The following DAB1 variants were observed in gnomAD, a reference collection of about 807,000 sequenced individuals.
DAB1 encodes the protein disabled homolog 1.
A neutral mutation model predicts 64.6 loss-of-function variants in DAB1; 15 were observed. The observed-to-expected ratio is 0.23, with a 90% confidence interval of 0.16 to 0.36. The LOEUF is 0.36. Ranked by LOEUF, DAB1 falls within the 10% of genes least tolerant of loss-of-function variation. DAB1 has a pLI of 1.00. For synonymous variants in DAB1, 235 were observed against 251.9 expected (o/e 0.93, Z 0.64); for missense variants, 596 against 706.7 (o/e 0.84, Z 1.78).
chr1:57,101,122 C>T (rs116483688), intron 4 of DAB1, among the ~76,000 whole-genome samples: 51 of 152,198 alleles, frequency 3.4e-4, no homozygotes, highest in African/African-American at 1.2e-3. Context: ...ATCCTTCTTA[C>T]CCCTGGCATG....
chr1:57,876,767 G>A (rs188933424), intron 1 of DAB1: 1 of 152,210 alleles, frequency 6.6e-6, no homozygotes, highest in Non-Finnish European at 1.5e-5. Context: ...GGCCTCGATT[G>A]CTTAGAAGCC....
At chr1:57,733,478 G>T (rs1647533218) in intron 6 of DAB1, among the ~76,000 whole-genome samples, 1 of 151,952 alleles carries the variant, frequency 6.6e-6, no homozygotes. Flanking sequence ...CACTTAATAT[G>T]TAAGAAGACT....
intron 4 of DAB1, among the ~76,000 whole-genome samples, chr1:58,175,841 T>C (rs1656442516): frequency 6.6e-6 from 1 of 152,196 alleles, no homozygotes; most frequent in Non-Finnish European, 1.5e-5. Context: ...TCTACTGAAG[T>C]TGCAATCTGG....
intron 1 of DAB1, chr1:58,536,574 C>A (rs762392599): frequency 2.3e-5 from 20 of 872,742 alleles, no homozygotes; most frequent in Non-Finnish European, 3.8e-5. Flanking sequence ...TAGTAGCTTG[C>A]TCCTTCCTGT....
At chr1:57,162,812 G>A (rs1056192976) in intron 2 of DAB1, among the ~76,000 whole-genome samples, 1 of 152,194 alleles carries the variant, frequency 6.6e-6, no homozygotes, top group Admixed American at 6.5e-5. Context: ...GAGTACAAAG[G>A]GGTATTTGTG....
intron 7 of DAB1, among the ~76,000 whole-genome samples, chr1:57,475,349 T>C (rs1029841324): frequency 5.9e-5 from 9 of 152,176 alleles, no homozygotes; most frequent in Non-Finnish European, 1.0e-4. Flanking sequence ...AAGCCAGGTA[T>C]GGCAAAGTGG....
intron 4 of DAB1, among the ~76,000 whole-genome samples, chr1:57,125,886 G>C (rs947826782): frequency 2.0e-5 from 3 of 152,088 alleles, no homozygotes; most frequent in Non-Finnish European, 4.4e-5. Context: ...AAGGCTTATA[G>C]GCATAGCTAG....
At chr1:58,479,320 G>C (rs925168613) in intron 3 of DAB1, among the ~76,000 whole-genome samples, 8 of 152,172 alleles carry the variant, frequency 5.3e-5, no homozygotes, top group African/African-American at 1.7e-4. Context: ...ATGGAGAATA[G>C]TTAATATGAA....
chr1:58,138,929 T>C (rs1654114612), intron 5 of DAB1, among the ~76,000 whole-genome samples: 1 of 152,122 alleles, frequency 6.6e-6, no homozygotes, highest in African/African-American at 2.4e-5. Flanking sequence ...AATGAATGAA[T>C]GAGTGAATAG....
chr1:58,451,057 C>A (rs1380940841), intron 3 of DAB1, among the ~76,000 whole-genome samples: 2 of 152,302 alleles, frequency 1.3e-5, no homozygotes, highest in East Asian at 3.9e-4. Flanking sequence ...CAAGGAGACA[C>A]AATAACTTTC....
chr1:57,424,578 A>G (rs12739184), upstream of DAB1, among the ~76,000 whole-genome samples: 24,396 of 152,162 alleles, frequency 0.16, 3,161 homozygotes, highest in African/African-American at 0.36. Flanking sequence ...TTTTTCTCTA[A>G]GATCTACCCT....
At chr1:57,562,218 C>T (rs904758013) in intron 7 of DAB1, among the ~76,000 whole-genome samples, 1 of 152,114 alleles carries the variant, frequency 6.6e-6, no homozygotes, top group South Asian at 2.1e-4. Context: ...ACTAAAAATA[C>T]AAAAATTAGC....
At chr1:57,489,941 G>A (rs1305661184) in intron 7 of DAB1, among the ~76,000 whole-genome samples, 2 of 152,154 alleles carry the variant, frequency 1.3e-5, no homozygotes, top group African/African-American at 2.4e-5. Context: ...TTTAGGAGGG[G>A]AGACCTTTGG....
At chr1:57,569,013 C>T (rs1268850077) in intron 7 of DAB1, among the ~76,000 whole-genome samples, 4 of 151,892 alleles carry the variant, frequency 2.6e-5, no homozygotes, top group African/African-American at 9.7e-5. Flanking sequence ...AATCCCAGCA[C>T]TTTGGGAGGC....
intron 2 of DAB1, among the ~76,000 whole-genome samples, chr1:57,266,141 A>G (rs1387759065): frequency 3.9e-5 from 6 of 152,234 alleles, no homozygotes; most frequent in Non-Finnish European, 8.8e-5. Context: ...AGGGATACCT[A>G]CACAAGGCTA....
At chr1:58,466,298 C>T (rs1361552052) in intron 3 of DAB1, among the ~76,000 whole-genome samples, 1 of 152,172 alleles carries the variant, frequency 6.6e-6, no homozygotes, top group Non-Finnish European at 1.5e-5. Context: ...TCCCTTGCTC[C>T]TTCACCGGGA....
At chr1:58,000,612 C>A (rs1181476129) in intron 5 of DAB1, among the ~76,000 whole-genome samples, 5 of 140,796 alleles carry the variant, frequency 3.6e-5, no homozygotes, top group African/African-American at 1.3e-4. Flanking sequence ...GCTCTGTCAG[C>A]CAGGCTGGAG....
chr1:57,563,884 G>C (rs1004503125), intron 7 of DAB1, among the ~76,000 whole-genome samples: 2 of 152,162 alleles, frequency 1.3e-5, no homozygotes, highest in Non-Finnish European at 2.9e-5. Context: ...CCAAACAAAA[G>C]GCAGAGAAAC....
In DAB1 at chr1:56,997,279, G is replaced by T. The variant is rs1465798469; in HGVS notation, c.*865C>A. On this transcript the variant is annotated 3_prime_UTR_variant, in exon 15 of 15. Coordinates refer to ENST00000371236, the MANE Select transcript of DAB1 (RefSeq NM_001365792.1). The stretch of plus-strand genomic sequence containing the variant: ...TTTAGAGCTTCTTAAGAAATCAGAT[G>T]CATTTTTCATCTTTCTCATCAATGG... 1.3e-5 allele frequency: 2 copies of T among 152,148 alleles called. No individual in the cohort carries two copies. The highest frequency in any genetic ancestry group is 4.8e-5 in the African/African-American group (2 of 41,436). The allele number at this position is 152,148 out of a possible 1,614,324, so 9.4% of individuals were successfully genotyped here.
Sources: gnomAD v4.1 joint callset for allele counts (sites outside exome capture counted in the v4.1 genomes callset) on GRCh38, gnomAD v4.1.1 for gene constraint, MANE v1.5 for transcripts, NCBI Gene and HGNC (gene_info 2026-07-23, HGNC 2026-07-21) for gene names.